ERBB4: variants seen among roughly 807,000 people sequenced by gnomAD.
The protein encoded by ERBB4 is receptor tyrosine-protein kinase erbB-4.
A neutral mutation model predicts 158.0 loss-of-function variants in ERBB4; 42 were observed. The observed-to-expected ratio is 0.27, with a 90% CI of 0.21 to 0.34. The LOEUF is 0.34. ERBB4 is among the 10% of genes least tolerant of loss of function. ERBB4 has a pLI of 1.00. For missense variants in ERBB4, 1,333 were observed against 1,624.1 expected, an observed-to-expected ratio of 0.82 and a Z score of 3.08; for synonymous variants, 583 against 558.7, an observed-to-expected ratio of 1.04 and a Z score of -0.61.
At chr2:211,879,314 A>T (rs573087809) in intron 3 of ERBB4, among the ~76,000 whole-genome samples, 1 of 152,368 alleles carries the variant, frequency 6.6e-6, no homozygotes, top group South Asian at 2.1e-4. Context: ...TCATAATTCC[A>T]TAAGGAAAAT....
intron 3 of ERBB4, among the ~76,000 whole-genome samples, chr2:211,920,094 C>T (rs1333392395): frequency 6.6e-6 from 1 of 151,904 alleles, no homozygotes; most frequent in East Asian, 1.9e-4. Flanking sequence ...CTGGCAAAAA[C>T]TCCCATTGTT....
At chr2:211,723,747 A>G (rs1232069778) in intron 6 of ERBB4, among the ~76,000 whole-genome samples, 2 of 152,206 alleles carry the variant, frequency 1.3e-5, no homozygotes, top group African/African-American at 2.4e-5. Flanking sequence ...ATTTTATGCA[A>G]TGCTGTACAC....
intron 1 of ERBB4, among the ~76,000 whole-genome samples, chr2:212,167,859 T>C (rs1019049845): frequency 3.9e-5 from 6 of 152,032 alleles, no homozygotes; most frequent in African/African-American, 7.2e-5. Flanking sequence ...AAACACCACA[T>C]GTTCTCACTC....
At position 212,018,243 on chromosome 2, in the gene ERBB4, G is replaced by A. The variant is rs10201700; in HGVS notation, c.235-70627C>T. ...CATCCAACAAGCCACAGCAGGACTA[G>A]GATATCACATCTTCAATAATTCTCT... On this transcript the variant is annotated intron_variant, in intron 2 of 27. Transcript: ENST00000342788. 9.4e-3 allele frequency among the ~76,000 whole-genome samples: 1,438 copies of A among 152,226 alleles called. 18 individuals are homozygous for A. The highest frequency in any genetic ancestry group is 0.033 in the African/African-American group (1,375 of 41,548).
At chr2:212,271,271 G>C (rs2085334234) in intron 1 of ERBB4, among the ~76,000 whole-genome samples, 1 of 151,724 alleles carries the variant, frequency 6.6e-6, no homozygotes, top group Non-Finnish European at 1.5e-5. Context: ...AAGGTGATCT[G>C]ATTGCTAATA....
intron 20 of ERBB4, among the ~76,000 whole-genome samples, chr2:211,530,540 T>C (rs969151608): frequency 1.3e-5 from 2 of 151,990 alleles, no homozygotes; most frequent in African/African-American, 4.8e-5. Context: ...AGAATAGCCA[T>C]AGCTAACCTA....
chr2:211,510,206 T>C (rs1471921137), intron 20 of ERBB4, among the ~76,000 whole-genome samples: 1 of 152,002 alleles, frequency 6.6e-6, no homozygotes, highest in East Asian at 1.9e-4. Context: ...CAATGGGTGG[T>C]TGGATAAAGA....
chr2:211,612,105 A>C (rs1047423338), intron 19 of ERBB4, among the ~76,000 whole-genome samples: 4 of 152,164 alleles, frequency 2.6e-5, no homozygotes, highest in African/African-American at 9.7e-5. Context: ...GAGCACTATA[A>C]ATACCTAAGA....
chr2:211,803,751 T>A (rs950359043), intron 3 of ERBB4, among the ~76,000 whole-genome samples: 1 of 152,230 alleles, frequency 6.6e-6, no homozygotes, highest in Non-Finnish European at 1.5e-5. Flanking sequence ...ATTGAATAAT[T>A]GTATCTGTGA....
chr2:212,375,176 T>G (rs1374382694), intron 1 of ERBB4, among the ~76,000 whole-genome samples: 1 of 152,016 alleles, frequency 6.6e-6, no homozygotes, highest in Non-Finnish European at 1.5e-5. Context: ...ATAAATATCA[T>G]GGATATGACA....
intron 1 of ERBB4, among the ~76,000 whole-genome samples, chr2:212,483,805 C>T (rs998261964): frequency 6.6e-6 from 1 of 152,166 alleles, no homozygotes; most frequent in Admixed American, 6.5e-5. Context: ...GGCGCGATCT[C>T]AGCTCACTGC....
chr2:211,893,354 C>G (rs1457472053), intron 3 of ERBB4, among the ~76,000 whole-genome samples: 1 of 143,582 alleles, frequency 7.0e-6, no homozygotes, highest in Admixed American at 6.8e-5. Context: ...ACTGGCTAGC[C>G]ATATGTAGAA....
At chr2:212,064,945 C>G in intron 2 of ERBB4, among the ~76,000 whole-genome samples, 1 of 151,162 alleles carries the variant, frequency 6.6e-6, no homozygotes, top group East Asian at 1.9e-4. Context: ...CTAATTAACT[C>G]TTGTTTAAAC....
chr2:212,085,412 A>G (rs2078573424), intron 2 of ERBB4, among the ~76,000 whole-genome samples: 1 of 151,924 alleles, frequency 6.6e-6, no homozygotes, highest in South Asian at 2.1e-4. Flanking sequence ...CTGAATACAA[A>G]TGAGTGATAA....
At chr2:211,494,687 A>T (rs2065426947) in intron 20 of ERBB4, among the ~76,000 whole-genome samples, 1 of 152,122 alleles carries the variant, frequency 6.6e-6, no homozygotes, top group African/African-American at 2.4e-5. Context: ...ATTCCCTTTT[A>T]AAAGGCGTTT....
At chr2:211,735,065 T>C (rs988123649) in intron 5 of ERBB4, among the ~76,000 whole-genome samples, 8 of 152,180 alleles carry the variant, frequency 5.3e-5, no homozygotes, top group Non-Finnish European at 8.8e-5. Context: ...ACAACTTTTA[T>C]GTGCTTATGT....
intron 2 of ERBB4, among the ~76,000 whole-genome samples, chr2:212,077,206 G>A (rs2078301474): frequency 6.6e-6 from 1 of 151,928 alleles, no homozygotes; most frequent in Non-Finnish European, 1.5e-5. Context: ...TAACACAACT[G>A]TGGGGGGCAA....
intron 3 of ERBB4, among the ~76,000 whole-genome samples, chr2:211,886,438 G>T (rs1200581546): frequency 1.3e-5 from 2 of 152,114 alleles, no homozygotes; most frequent in African/African-American, 4.8e-5. Context: ...AAATAAAAAT[G>T]AAAGAAGGAT....
intron 7 of ERBB4, among the ~76,000 whole-genome samples, chr2:211,715,446 T>C (rs1201817769): frequency 2.0e-5 from 3 of 152,216 alleles, no homozygotes; most frequent in African/African-American, 7.2e-5. Context: ...AACAGGTGCA[T>C]ACATGATATT....
Sources: gnomAD v4.1 joint callset for allele counts (sites outside exome capture counted in the v4.1 genomes callset) on GRCh38, gnomAD v4.1.1 for gene constraint, MANE v1.5 for transcripts, NCBI Gene and HGNC (gene_info 2026-07-23, HGNC 2026-07-21) for gene names.